GABRB1: variants seen among roughly 807,000 people sequenced by gnomAD.
GABRB1 encodes the protein gamma-aminobutyric acid receptor subunit beta-1.
GABRB1 carries 17 observed loss-of-function variants against 51.6 expected under a neutral mutation model. That is an observed-to-expected ratio of 0.33 (90% CI 0.23 to 0.49). The LOEUF (loss-of-function observed/expected upper bound fraction) is 0.49, where lower values mean the gene tolerates loss of function less well. Ranked by LOEUF, GABRB1 falls within the 20% of genes least tolerant of loss-of-function variation. GABRB1 has a pLI of 0.99. For synonymous variants in GABRB1, 247 were observed against 218.9 expected (o/e 1.13, Z -1.14); for missense variants, 410 against 600.6 (o/e 0.68, Z 3.32).
chr4:47,069,129 C>T (rs775598917), intron 3 of GABRB1, among the ~76,000 whole-genome samples: 139 of 152,322 alleles, frequency 9.1e-4, no homozygotes, highest in Non-Finnish European at 6.9e-4. Flanking sequence ...AACCAGGATG[C>T]TTGGCATGAG....
intron 5 of GABRB1, among the ~76,000 whole-genome samples, chr4:47,335,293 C>A (rs573817884): frequency 6.6e-6 from 1 of 152,070 alleles, no homozygotes; most frequent in Non-Finnish European, 1.5e-5. Flanking sequence ...TCTACATGAA[C>A]TCCCCTATTC....
intron 4 of GABRB1, among the ~76,000 whole-genome samples, chr4:47,301,479 A>C (rs1724258651): frequency 6.6e-6 from 1 of 151,964 alleles, no homozygotes; most frequent in Non-Finnish European, 1.5e-5. Flanking sequence ...CTCTACAATA[A>C]AAAATTTAGC....
chr4:47,140,174 T>C (rs1201999839), intron 3 of GABRB1, among the ~76,000 whole-genome samples: 2 of 145,712 alleles, frequency 1.4e-5, no homozygotes, highest in African/African-American at 5.1e-5. Context: ...AAGCAAAACT[T>C]AAGGGGAAGC....
intron 5 of GABRB1, among the ~76,000 whole-genome samples, chr4:47,324,907 C>T (rs1196371169): frequency 2.6e-5 from 4 of 152,160 alleles, no homozygotes; most frequent in African/African-American, 7.2e-5. Flanking sequence ...TCCGCTGATC[C>T]GTTCTATTGC....
chr4:47,013,829 A>G (rs1359307456), intron 1 of GABRB1, among the ~76,000 whole-genome samples: 1 of 152,222 alleles, frequency 6.6e-6, no homozygotes, highest in Non-Finnish European at 1.5e-5. Flanking sequence ...TGATAGAAGG[A>G]AGAGAACAAA....
intron 5 of GABRB1, among the ~76,000 whole-genome samples, chr4:47,393,347 T>C (rs1356876263): frequency 6.6e-6 from 1 of 152,178 alleles, no homozygotes; most frequent in Non-Finnish European, 1.5e-5. Flanking sequence ...GAAAGACAGA[T>C]AAGCCAGGTA....
intron 5 of GABRB1, among the ~76,000 whole-genome samples, chr4:47,338,894 G>T (rs1208459792): frequency 6.6e-6 from 1 of 152,042 alleles, no homozygotes; most frequent in African/African-American, 2.4e-5. Context: ...GGGAGTTGGG[G>T]GCAGATGTGC....
chr4:47,102,646 G>C (rs1714771808), intron 3 of GABRB1, among the ~76,000 whole-genome samples: 1 of 152,024 alleles, frequency 6.6e-6, no homozygotes, highest in Middle Eastern at 3.4e-3. Flanking sequence ...GGATGAGCAA[G>C]TCAATGTCAG....
chr4:47,023,050 T>C (rs933187059), intron 1 of GABRB1, among the ~76,000 whole-genome samples: 3 of 152,096 alleles, frequency 2.0e-5, no homozygotes, highest in Admixed American at 6.6e-5. Flanking sequence ...GAGATCATTA[T>C]GTTAAGTGAA....
upstream of GABRB1, among the ~76,000 whole-genome samples, chr4:47,027,118 A>G (rs1725125024): frequency 6.6e-6 from 1 of 151,674 alleles, no homozygotes. Flanking sequence ...GTAACATTTT[A>G]ATAAAAGTAA....
chr4:47,301,944 G>T (rs1462693910), intron 4 of GABRB1, among the ~76,000 whole-genome samples: 1 of 152,242 alleles, frequency 6.6e-6, no homozygotes, highest in Middle Eastern at 3.4e-3. Flanking sequence ...TTGACTACTA[G>T]ACATCTGGTC....
intron 3 of GABRB1, among the ~76,000 whole-genome samples, chr4:47,138,796 A>G (rs1716788815): frequency 6.6e-6 from 1 of 152,108 alleles, no homozygotes; most frequent in Non-Finnish European, 1.5e-5. Flanking sequence ...GGATTTAGAT[A>G]ATCCTGAAAT....
At chr4:47,159,525 A>G (rs925934677) in intron 3 of GABRB1, among the ~76,000 whole-genome samples, 3 of 150,342 alleles carry the variant, frequency 2.0e-5, no homozygotes, top group Non-Finnish European at 4.4e-5. Flanking sequence ...TTTTTTTTAC[A>G]TGAAGGTAAG....
chr4:47,008,985 T>G (rs1483059430), intron 1 of GABRB1, among the ~76,000 whole-genome samples: 1 of 142,980 alleles, frequency 7.0e-6, no homozygotes, highest in Admixed American at 7.3e-5. Context: ...TGCCTCAGCC[T>G]CCCGAGTAGC....
chr4:47,135,760 G>C (rs997240), intron 3 of GABRB1, among the ~76,000 whole-genome samples: 4,903 of 151,854 alleles, frequency 0.032, 374 homozygotes, highest in East Asian at 0.17. Context: ...TCTGTTCAAA[G>C]CATTTTCCTA....
intron 4 of GABRB1, among the ~76,000 whole-genome samples, chr4:47,267,893 C>A (rs1414555798): frequency 6.6e-6 from 1 of 152,010 alleles, no homozygotes; most frequent in Non-Finnish European, 1.5e-5. Flanking sequence ...TTGAAAGACT[C>A]GCCAAAATTC....
Position 47,032,024 on chromosome 4 carries a change from T to G in GABRB1, c.172+19T>G, listed in dbSNP as rs754189722. On this transcript the variant is annotated intron_variant, in intron 2 of 8. Coordinates refer to ENST00000295454, the MANE Select transcript of GABRB1 (RefSeq NM_000812.4). The stretch of plus-strand genomic sequence containing the variant: ...TTCGGAGGTAACGCTTCATCTTTTT[T>G]CAACCTGTAACCCATCCTTAGTTCT... The G allele has an allele frequency of 6.3e-7, 1 of 1,583,178 alleles. No homozygotes were observed.
chr4:47,024,270 A>C (rs1725017745), intron 1 of GABRB1, among the ~76,000 whole-genome samples: 1 of 151,794 alleles, frequency 6.6e-6, no homozygotes, highest in South Asian at 2.1e-4. Flanking sequence ...CCTATACTTC[A>C]TGATATTGAT....
chr4:47,136,110 C>T (rs1716637713), intron 3 of GABRB1, among the ~76,000 whole-genome samples: 1 of 152,134 alleles, frequency 6.6e-6, no homozygotes, highest in African/African-American at 2.4e-5. Flanking sequence ...CCCACCTCAA[C>T]CTCCAGAGTA....
Sources: allele counts gnomAD v4.1 joint callset (sites outside exome capture counted in the v4.1 genomes callset), GRCh38; gene constraint gnomAD v4.1.1; transcripts MANE v1.5; gene names NCBI Gene and HGNC (gene_info 2026-07-23, HGNC 2026-07-21).